AKT1: variants seen among roughly 807,000 people sequenced by gnomAD.
The protein encoded by AKT1 is RAC-alpha serine/threonine-protein kinase.
In AKT1, 21 loss-of-function variants were observed where a neutral mutation model predicts 63.1. The observed-to-expected ratio is 0.33, with a 90% CI of 0.24 to 0.48. The LOEUF is 0.48. AKT1 is among the 20% of genes least tolerant of loss of function. The pLI, the probability that AKT1 is intolerant of heterozygous loss-of-function variation, is 0.99. For missense variants in AKT1, 382 were observed against 666.0 expected (o/e 0.57, Z 4.69); for synonymous variants, 257 against 253.1 (o/e 1.02, Z -0.15).
intron 4 of AKT1, among the ~76,000 whole-genome samples, chr14:104,778,846 C>T (rs1317926245): frequency 1.3e-5 from 2 of 152,196 alleles, no homozygotes; most frequent in African/African-American, 4.8e-5. Context: ...CGATGCAGCA[C>T]ATGGGGATGG....
At chr14:104,781,248 A>AG (rs1468706330) in intron 3 of AKT1, among the ~76,000 whole-genome samples, 1 of 128,852 alleles carries the variant, frequency 7.8e-6, no homozygotes, top group Admixed American at 7.9e-5. Flanking sequence ...GGGGTTAGGG[A>AG]GGGGGCCAGG....
At chr14:104,793,667 C>A (rs577494399) in intron 1 of AKT1, 130 of 167,644 alleles carry the variant, frequency 7.8e-4, no homozygotes, top group African/African-American at 2.9e-3. Context: ...CAGCGGCCCA[C>A]CAGCCAACCC....
chr14:104,793,103 A>G (rs1893711696), intron 2 of AKT1, 24 bp downstream of exon 2: 1 of 230,422 alleles, frequency 4.3e-6, no homozygotes, highest in Non-Finnish European at 8.8e-6. Context: ...CCCATCCCCA[A>G]AAGGCCTTCC....
intron 14 of AKT1, 113 bp from the exon 15 acceptor site, chr14:104,770,533 T>G (rs1199906122): frequency 8.7e-7 from 1 of 1,155,774 alleles, no homozygotes; most frequent in Non-Finnish European, 1.2e-6. Context: ...GCTGCCATAC[T>G]GCCAGGAAAC....
At chr14:104,770,958 C>A in intron 13 of AKT1, 111 bp from the exon 14 acceptor site, 1 of 937,386 alleles carries the variant, frequency 1.1e-6, no homozygotes, top group South Asian at 1.5e-5. Context: ...GGTCTCCAGG[C>A]AGGACTGATG....
rs749796064 is a variant in AKT1, at chr14:104,780,110, G to T, written c.153C>A (p.Pro51=). Residue 51 remains proline, a synonymous_variant, in exon 4 of 15, where the codon CCC becomes CCA. Coordinates refer to ENST00000649815, the MANE Select transcript of AKT1 (RefSeq NM_001382430.1). ...TACGCGCCACAGAGAAGTTGTTGAGGGGAGCCTCACGTTGGTCCACATCCT... is the reference window on the plus strand; with the variant it reads ...TACGCGCCACAGAGAAGTTGTTGAGTGGAGCCTCACGTTGGTCCACATCCT... ...RPQDVDQREA[P]LNNFSVAQCQ... is the part of the protein sequence containing the mutation. 1 of 1,613,658 alleles carries T rather than the reference G, an allele frequency of 6.2e-7. No homozygotes were observed. Among genetic ancestry groups the T allele is most frequent in the South Asian group, 1.1e-5 (1 of 91,068 alleles).
rs1414343069 is a variant in AKT1, at chr14:104,795,432, G to A, written c.-258+52C>T. On this transcript the variant is annotated intron_variant, in intron 1 of 14. Transcript: ENST00000649815. The surrounding 1 kb of genome is among the most constrained non-coding windows in gnomAD (Gnocchi z 5.1). ...GACCGGCCGCGAACAAAGCGGCCCG[G>A]CCCGCGGGGAGGAAATCCAGGCCCG... The A allele has an allele frequency of 6.8e-6, 1 of 147,280 alleles. No individual in the cohort carries two copies. Among genetic ancestry groups the A allele is most frequent in the Non-Finnish European group, 1.5e-5 (1 of 66,102 alleles). 9.1% of individuals were successfully genotyped at this position (147,280 alleles called of 1,614,324 possible).
At chr14:104,782,381 C>T (rs1027186794) in intron 3 of AKT1, among the ~76,000 whole-genome samples, 1 of 152,190 alleles carries the variant, frequency 6.6e-6, no homozygotes, top group African/African-American at 2.4e-5. Context: ...CCAGCCCCCA[C>T]CGTGCCCAGC....
chr14:104,785,532 G>A (rs1482916455), intron 3 of AKT1, among the ~76,000 whole-genome samples: 1 of 152,116 alleles, frequency 6.6e-6, no homozygotes, highest in African/African-American at 2.4e-5. Flanking sequence ...CCTGGGCCTC[G>A]CCCAGCCCAG....
chr14:104,773,728 G>T, intron 9 of AKT1, 148 bp from the exon 10 acceptor site: 1 of 1,312,712 alleles, frequency 7.6e-7, no homozygotes, highest in Non-Finnish European at 1.0e-6. Context: ...AGTCTCAGAA[G>T]CCCTAACTCA....
At chr14:104,773,679 G>C (rs1892536007) in intron 9 of AKT1, 99 bp from the exon 10 acceptor site, 3 of 1,496,992 alleles carry the variant, frequency 2.0e-6, no homozygotes, top group Non-Finnish European at 9.0e-7. Flanking sequence ...GCATTGCACA[G>C]GGAAGGGACC....
chr14:104,777,807 C>T (rs1415249240), intron 4 of AKT1: 1 of 882,186 alleles, frequency 1.1e-6, no homozygotes, highest in Admixed American at 6.2e-5. Context: ...GTCTTCCAGG[C>T]CTGGGGGCCA....
intron 3 of AKT1, among the ~76,000 whole-genome samples, chr14:104,781,537 T>G (rs1893041373): frequency 6.6e-6 from 1 of 150,970 alleles, no homozygotes. Context: ...CACGGGGGAG[T>G]TCTTTAATAG....
chr14:104,772,301 G>A (rs1344117433), intron 13 of AKT1, 64 bp downstream of exon 13: 12 of 1,550,152 alleles, frequency 7.7e-6, no homozygotes, highest in Non-Finnish European at 1.1e-5. Flanking sequence ...CGTGCCACGT[G>A]CATGCGTGAG....
At chr14:104,771,674 G>GA (rs1892394765) in intron 13 of AKT1, 2 of 235,682 alleles carry the variant, frequency 8.5e-6, no homozygotes, top group East Asian at 1.2e-4. Flanking sequence ...CACAGCCTAG[G>GA]ACAGGCATTC....
At chr14:104,786,114 G>A (rs575737182) in intron 3 of AKT1, among the ~76,000 whole-genome samples, 1 of 151,936 alleles carries the variant, frequency 6.6e-6, no homozygotes, top group East Asian at 1.9e-4. Flanking sequence ...CCTCATTTTT[G>A]GTCTGCCCCA....
rs1190898233 is a variant in AKT1 at position 104,773,896 on chromosome 14, C to T, written c.702+16G>A. The T allele has an allele frequency of 6.3e-7, 1 of 1,597,154 alleles. No homozygotes were observed. Among genetic ancestry groups the T allele is most frequent in the Admixed American group, 1.7e-5 (1 of 58,800 alleles). On this transcript the variant is annotated intron_variant, in intron 9 of 14. Coordinates refer to ENST00000649815, the MANE Select transcript of AKT1 (RefSeq NM_001382430.1). Reference sequence around the variant, plus strand: ...CACAGGCCGCGAAGTCCATCCCCCGCAGCCCCAGCCCCTACCTCGCCCCCG... The same window carrying T: ...CACAGGCCGCGAAGTCCATCCCCCGTAGCCCCAGCCCCTACCTCGCCCCCG...
intron 5 of AKT1, 166 bp from the exon 6 acceptor site, chr14:104,775,965 G>C: frequency 1.3e-6 from 1 of 757,168 alleles, no homozygotes; most frequent in Non-Finnish European, 2.1e-6. Context: ...CATACACTCA[G>C]GGTCACGAAG....
chr14:104,772,696 C>A (rs2140899535), intron 12 of AKT1, among the ~76,000 whole-genome samples, 182 bp downstream of exon 12: 1 of 152,298 alleles, frequency 6.6e-6, no homozygotes. Context: ...GCCCAACTGA[C>A]CCCGGCCTGC....
Sources: allele counts gnomAD v4.1 joint callset (sites outside exome capture counted in the v4.1 genomes callset), GRCh38; gene constraint gnomAD v4.1.1; non-coding constraint Gnocchi (gnomAD v3.1); transcripts MANE v1.5; gene names NCBI Gene and HGNC (gene_info 2026-07-23, HGNC 2026-07-21).